Variants in MELK observed in about 807,000 individuals in gnomAD.
The protein encoded by MELK is maternal embryonic leucine zipper kinase.
Under a neutral mutation model 85.0 loss-of-function variants are expected in MELK, and 81 were observed. The observed-to-expected ratio is 0.95, with a 90% CI of 0.80 to 1.15. The LOEUF is 1.15. Ranked by LOEUF, MELK falls within the 50% of genes most tolerant of loss-of-function variation. The pLI is 0.00. For missense variants in MELK, 754 were observed against 777.5 expected (o/e 0.97, Z 0.36); for synonymous variants, 252 against 265.0 (o/e 0.95, Z 0.48).
At chr9:36,581,816 T>G (rs1822270979) in intron 2 of MELK, 77 bp downstream of exon 2, 4 of 1,194,014 alleles carry the variant, frequency 3.4e-6, no homozygotes, top group Admixed American at 2.1e-5. Context: ...AGGTGTGAGC[T>G]TTTTCGTCTA....
intron 8 of MELK, among the ~76,000 whole-genome samples, chr9:36,624,932 A>C (rs572474386): frequency 3.9e-5 from 6 of 152,328 alleles, no homozygotes; most frequent in African/African-American, 1.4e-4. Flanking sequence ...TGAGGTGGAC[A>C]GATGCTGGTA....
intron 10 of MELK, among the ~76,000 whole-genome samples, chr9:36,641,711 G>T (rs1166700124): frequency 6.7e-6 from 1 of 150,266 alleles, no homozygotes; most frequent in Non-Finnish European, 1.5e-5. Flanking sequence ...GTGTTCAAGC[G>T]ATTCTCCTGC....
intron 13 of MELK, among the ~76,000 whole-genome samples, chr9:36,661,665 G>C (rs191803374): frequency 1.3e-5 from 2 of 152,138 alleles, no homozygotes; most frequent in South Asian, 2.1e-4. Flanking sequence ...GGCCGGGCGC[G>C]GTGGCTCACG....
At chr9:36,606,261 A>ATGTATATATAATATATACATATGTATAGG (rs1587404982) in intron 7 of MELK, among the ~76,000 whole-genome samples, 1 of 148,690 alleles carries the variant, frequency 6.7e-6, no homozygotes, top group Non-Finnish European at 1.5e-5. Flanking sequence ...TCTAGTCTAT[A>ATGTATATATAATATATACATATGTATAGG]TGTATATATA....
chr9:36,628,142 C>T (rs912555759), intron 8 of MELK, among the ~76,000 whole-genome samples: 1 of 151,950 alleles, frequency 6.6e-6, no homozygotes, highest in Non-Finnish European at 1.5e-5. Context: ...CTCGGCCTTC[C>T]AAAGTGCTGG....
intron 1 of MELK, among the ~76,000 whole-genome samples, chr9:36,573,608 C>A (rs1821317745): frequency 6.6e-6 from 1 of 152,122 alleles, no homozygotes; most frequent in South Asian, 2.1e-4. Context: ...CAAGTTCAAG[C>A]GATTCTTCTG....
At chr9:36,641,573 A>G (rs1410687335) in intron 10 of MELK, among the ~76,000 whole-genome samples, 1 of 150,504 alleles carries the variant, frequency 6.6e-6, no homozygotes, top group African/African-American at 2.5e-5. Context: ...AACATAAAGC[A>G]TCCCTCACTC....
chr9:36,584,964 C>G (rs1185995004), intron 3 of MELK, among the ~76,000 whole-genome samples: 1 of 152,056 alleles, frequency 6.6e-6, no homozygotes, highest in Non-Finnish European at 1.5e-5. Context: ...AGCAGTCTTC[C>G]CATCTCAGCT....
intron 16 of MELK, among the ~76,000 whole-genome samples, chr9:36,674,022 A>C (rs1833120734): frequency 1.3e-5 from 2 of 152,154 alleles, no homozygotes; most frequent in Non-Finnish European, 2.9e-5. Flanking sequence ...ATAGGTTCTT[A>C]TTTTGAAAAG....
At chr9:36,650,359 G>C (rs1345905606) in intron 11 of MELK, among the ~76,000 whole-genome samples, 2 of 152,150 alleles carry the variant, frequency 1.3e-5, no homozygotes, top group Non-Finnish European at 2.9e-5. Flanking sequence ...GGATGAAACA[G>C]TAGATGAAAA....
intron 12 of MELK, among the ~76,000 whole-genome samples, chr9:36,654,017 G>C (rs374857375): frequency 0.26 from 11,242 of 43,112 alleles, 519 homozygotes; most frequent in East Asian, 0.45. Flanking sequence ...TCTGAAGGGA[G>C]ATATCCTGCA....
At chr9:36,639,901 A>G (rs1208377249) in intron 10 of MELK, among the ~76,000 whole-genome samples, 1 of 152,166 alleles carries the variant, frequency 6.6e-6, no homozygotes, top group East Asian at 1.9e-4. Flanking sequence ...AACCTCAAAA[A>G]TTTATTTTCT....
At chr9:36,661,959 A>G (rs1831875569) in intron 13 of MELK, among the ~76,000 whole-genome samples, 2 of 151,438 alleles carry the variant, frequency 1.3e-5, no homozygotes, top group Admixed American at 1.3e-4. Context: ...AAAAAAAACA[A>G]AACAAACAAA....
At chr9:36,658,868 A>AT (rs1196473510) in intron 13 of MELK, among the ~76,000 whole-genome samples, 91 of 141,516 alleles carry the variant, frequency 6.4e-4, no homozygotes, top group Non-Finnish European at 9.7e-4. Flanking sequence ...TGCCTGGCTA[A>AT]TTTTTTTTTT....
At chr9:36,654,517 A>G (rs7023716) in intron 12 of MELK, among the ~76,000 whole-genome samples, 136,935 of 151,694 alleles carry the variant, frequency 0.9, 61,856 homozygotes, top group East Asian at 0.92. Flanking sequence ...CACCACACCT[A>G]TCTAATTTTT....
intron 4 of MELK, among the ~76,000 whole-genome samples, chr9:36,593,382 C>G (rs527971000): frequency 1.3e-3 from 199 of 152,088 alleles, no homozygotes; most frequent in African/African-American, 4.3e-3. Flanking sequence ...GGATTAGTGC[C>G]TTTATACAGG....
At chr9:36,617,690 T>C (rs908043372) in intron 8 of MELK, among the ~76,000 whole-genome samples, 3 of 152,254 alleles carry the variant, frequency 2.0e-5, no homozygotes, top group African/African-American at 7.2e-5. Flanking sequence ...TGTTTTCTTC[T>C]AGTGTTTTTA....
intron 13 of MELK, among the ~76,000 whole-genome samples, chr9:36,665,043 A>G (rs1832201827): frequency 6.6e-6 from 1 of 152,168 alleles, no homozygotes; most frequent in Non-Finnish European, 1.5e-5. Context: ...AGCCGTGACT[A>G]TCTAGGTATG....
rs940087405 is a variant in MELK, at chr9:36,630,216, G to A, written c.667-83G>A. On this transcript the variant is annotated intron_variant, in intron 8 of 17. Transcript: ENST00000298048. ...TTGGGTGAAGTCTTCAAGCTTAAAAGTAAACCTCCAGCATGTTATTACCTA... is the reference window on the plus strand; with the variant it reads ...TTGGGTGAAGTCTTCAAGCTTAAAAATAAACCTCCAGCATGTTATTACCTA... 6 of 1,006,396 alleles carry A rather than the reference G, an allele frequency of 6.0e-6. No homozygotes were observed. In the Admixed American group the frequency reaches 9.4e-5, roughly 16 times the overall value. 62.3% of individuals were successfully genotyped at this position (1,006,396 alleles called of 1,614,324 possible). A position where few individuals can be genotyped will look rare whatever the true frequency, so the allele number is the denominator to read the frequency against.
Sources: allele counts gnomAD v4.1 joint callset (sites outside exome capture counted in the v4.1 genomes callset), GRCh38; gene constraint gnomAD v4.1.1; transcripts MANE v1.5; gene names NCBI Gene and HGNC (gene_info 2026-07-23, HGNC 2026-07-21).